IGF2R: variants seen among roughly 807,000 people sequenced by gnomAD.
The protein encoded by IGF2R is insulin like growth factor 2 receptor.
A neutral mutation model predicts 270.6 loss-of-function variants in IGF2R; 91 were observed. The ratio of observed to expected loss-of-function variants is 0.34; its 90% CI spans 0.28 to 0.40. The LOEUF (loss-of-function observed/expected upper bound fraction) is 0.40, where lower values mean the gene tolerates loss of function less well. Among genes scored for constraint, IGF2R ranks in the 10% least tolerant of loss-of-function variants. The pLI is 1.00. For synonymous variants in IGF2R, 1,316 were observed against 1,258.9 expected (o/e 1.05, Z -0.96); for missense variants, 2,805 against 3,188.3 (o/e 0.88, Z 2.90).
rs771246331 is a variant in IGF2R, at chr6:160,103,725, T to C, written c.6996-21T>C. On this transcript the variant is annotated intron_variant, in intron 46 of 47. Transcript: ENST00000356956. Reference sequence around the variant, plus strand: ...TGCCCTCTCTACACTGGAGTAATTATTGTCTCCTTTTTTTTTATAGGGAAA... The same window carrying C: ...TGCCCTCTCTACACTGGAGTAATTACTGTCTCCTTTTTTTTTATAGGGAAA... 13 of 1,586,168 alleles carry C rather than the reference T, an allele frequency of 8.2e-6. No individual in the cohort carries two copies. The South Asian group carries it at 1.3e-4, about 16-fold the overall frequency.
intron 1 of IGF2R, among the ~76,000 whole-genome samples, chr6:159,983,447 G>A (rs771687097): frequency 2.0e-4 from 31 of 152,216 alleles, no homozygotes; most frequent in Non-Finnish European, 4.0e-4. Flanking sequence ...CTCCAGGATA[G>A]TTTCAGCAGA....
Position 160,096,440 on chromosome 6 carries a change from C to CGGCGATCTCGATGTCGTGTT in IGF2R, c.6658_6677dup (p.Phe2226LeufsTer117), listed in dbSNP as rs754917325. On this transcript the variant is annotated frameshift_variant and splice_region_variant, in exon 45 of 48. Coordinates refer to ENST00000356956, the MANE Select transcript of IGF2R (RefSeq NM_000876.4). LOFTEE classifies it high-confidence loss of function. ...ATGTGTGCCCTTCCCGTTTGACAGA[C>CGGCGATCTCGATGTCGTGTT]GGCGATCTCGATGTCGTGTTTGCCT... 1 of 1,608,900 alleles carries CGGCGATCTCGATGTCGTGTT rather than the reference C, an allele frequency of 6.2e-7. No individual in the cohort carries two copies. The highest frequency in any genetic ancestry group is 8.5e-7 in the Non-Finnish European group (1 of 1,176,888).
chr6:160,041,873 G>T (rs1417875228), intron 11 of IGF2R, among the ~76,000 whole-genome samples: 1 of 152,238 alleles, frequency 6.6e-6, no homozygotes, highest in Non-Finnish European at 1.5e-5. Flanking sequence ...TCTAGCTGCA[G>T]AGTTGGAGAC....
At chr6:160,000,783 C>T (rs529773116) in intron 2 of IGF2R, among the ~76,000 whole-genome samples, 27 of 140,144 alleles carry the variant, frequency 1.9e-4, no homozygotes, top group African/African-American at 4.9e-4. Flanking sequence ...TTGCCCAGGC[C>T]GGAGTGCAGT....
At chr6:160,019,263 A>G (rs1199643337) in intron 4 of IGF2R, among the ~76,000 whole-genome samples, 2 of 152,232 alleles carry the variant, frequency 1.3e-5, no homozygotes, top group African/African-American at 4.8e-5. Context: ...CAAAAAGACC[A>G]ATAACAAGTA....
At chr6:160,098,615 T>G (rs1216123191) in intron 45 of IGF2R, among the ~76,000 whole-genome samples, 2 of 152,136 alleles carry the variant, frequency 1.3e-5, no homozygotes, top group Non-Finnish European at 2.9e-5. Flanking sequence ...GGTCAGGAGT[T>G]CTAGACCAGC....
At chr6:160,007,039 A>G (rs959987920) in intron 2 of IGF2R, 6 of 151,806 alleles carry the variant, frequency 4.0e-5, no homozygotes, top group African/African-American at 9.7e-5. Context: ...CTAAAAATCA[A>G]CCGTATTGTT....
intron 2 of IGF2R, among the ~76,000 whole-genome samples, chr6:159,992,905 G>A (rs1270064823): frequency 1.3e-5 from 2 of 152,004 alleles, no homozygotes; most frequent in African/African-American, 2.4e-5. Context: ...GTTTTTCTAC[G>A]TTCTTGCCAA....
intron 22 of IGF2R, among the ~76,000 whole-genome samples, 170 bp from the exon 23 acceptor site, chr6:160,060,377 G>C (rs1778409218): frequency 6.6e-6 from 1 of 152,242 alleles, no homozygotes; most frequent in South Asian, 2.1e-4. Context: ...TGACCACTTT[G>C]TTCATGTCGA....
chr6:160,068,283 C>G lies in IGF2R; in HGVS notation c.4150C>G (p.Leu1384Val). Reference protein sequence around the residue: ...GAGNSFDLSSLSRYSDNWEAI... With the variant: ...GAGNSFDLSSVSRYSDNWEAI... ...TGGCAACTCCTTCGACCTCTCGTCC[C>G]TGTCAAGGTACAGTGACAACTGGGA... The change falls in exon 30 of 48, where the codon CTG (leucine) becomes GTG (valine). Residue 1384 changes from leucine to valine, a missense_variant. Physicochemically the swap from Leu to Val is conservative, Grantham distance 32 (BLOSUM62 1). Transcript: ENST00000356956. The G allele has an allele frequency of 6.2e-7, 1 of 1,614,266 alleles. No individual in the cohort carries two copies.
intron 1 of IGF2R, among the ~76,000 whole-genome samples, chr6:159,981,982 G>T (rs1783812995): frequency 6.6e-6 from 1 of 152,136 alleles, no homozygotes; most frequent in South Asian, 2.1e-4. Flanking sequence ...CTGTATCTTT[G>T]TCCACAGCTT....
intron 10 of IGF2R, among the ~76,000 whole-genome samples, chr6:160,039,737 C>T (rs1777904438): frequency 6.6e-6 from 1 of 152,082 alleles, no homozygotes; most frequent in Non-Finnish European, 1.5e-5. Flanking sequence ...TGCCCACGGA[C>T]CCCTAGCCTG....
chr6:159,971,540 C>T (rs1256844236), intron 1 of IGF2R, among the ~76,000 whole-genome samples: 1 of 152,194 alleles, frequency 6.6e-6, no homozygotes, highest in Non-Finnish European at 1.5e-5. Context: ...GATTTTCACC[C>T]ACCTCTTTCC....
At position 160,034,419 on chromosome 6, in the gene IGF2R, A is replaced by G. The variant is rs1777767780; in HGVS notation, c.1212A>G (p.Arg404=). The G allele has an allele frequency of 6.3e-7, 1 of 1,586,596 alleles. No homozygotes were observed. The highest frequency in any genetic ancestry group is 8.7e-7 in the Non-Finnish European group (1 of 1,155,834). ...AAGRYHNQTL[R]YSDGDLTLIY... ...TGTCTGTGTATTCACAAAAATCTAG[A>G]TATTCGGATGGAGACCTCACCTTGA... Residue 404 remains arginine (R), a splice_region_variant and synonymous_variant, in exon 10 of 48, where the codon CGA becomes CGG. Transcript: ENST00000356956.
intron 22 of IGF2R, among the ~76,000 whole-genome samples, chr6:160,059,650 C>T (rs1408264856): frequency 1.3e-5 from 2 of 152,246 alleles, no homozygotes; most frequent in African/African-American, 2.4e-5. Context: ...AGGCTCTGCA[C>T]TGTACCTAGA....
chr6:160,061,989 T>G (rs1778450567), intron 25 of IGF2R, 61 bp downstream of exon 25: 1 of 1,472,208 alleles, frequency 6.8e-7, no homozygotes, highest in Non-Finnish European at 9.4e-7. Flanking sequence ...CCATTTCCCT[T>G]GAACCTCTGA....
rs932503151 is a variant in IGF2R, at chr6:160,026,377, T to C, written c.647-808T>C. Among the ~76,000 whole-genome samples the C allele has an allele frequency of 2.0e-5, 3 of 152,154 alleles. No homozygotes were observed. The East Asian group carries it at 5.8e-4, about 29-fold the overall frequency. ...TTTGATTAATAAGGCAGGTAAAACT[T>C]AAGGGAGGTAAGATTATTCACTCAC... On this transcript the variant is annotated intron_variant, in intron 5 of 47. Transcript: ENST00000356956.
At chr6:160,011,551 G>GT (rs546686832) in intron 4 of IGF2R, among the ~76,000 whole-genome samples, 44,599 of 119,594 alleles carry the variant, frequency 0.37, 8,793 homozygotes, top group East Asian at 0.6. Flanking sequence ...CACATATTTC[G>GT]TTTTTTTTTT....
chr6:160,088,158 T>G lies in IGF2R; in HGVS notation c.6320+11T>G. 1 of 1,504,042 alleles carries G rather than the reference T, an allele frequency of 6.6e-7. No homozygotes were observed. Among genetic ancestry groups the G allele is most frequent in the Non-Finnish European group, 9.3e-7 (1 of 1,079,852 alleles). The allele number at this position is 1,504,042 out of a possible 1,614,324, so 93.2% of individuals were successfully genotyped here. On this transcript the variant is annotated intron_variant, in intron 42 of 47. Transcript: ENST00000356956. ...ACCTGCATTCAAGAGGTCAGGAGAC[T>G]GGGGGCTCAGAGCGGGACTGTGCAG... is the stretch of plus-strand genomic sequence containing the variant.
Sources: allele counts gnomAD v4.1 joint callset (sites outside exome capture counted in the v4.1 genomes callset), GRCh38; gene constraint gnomAD v4.1.1; transcripts MANE v1.5; gene names NCBI Gene and HGNC (gene_info 2026-07-23, HGNC 2026-07-21).